Variants in FRMD5 observed in about 807,000 individuals in gnomAD.
FRMD5 encodes the protein FERM domain-containing protein 5.
A neutral mutation model predicts 69.0 loss-of-function variants in FRMD5; 20 were observed. The observed-to-expected ratio is 0.29, with a 90% CI of 0.20 to 0.42. FRMD5 has a LOEUF of 0.42. Among genes scored for constraint, FRMD5 ranks in the 10% least tolerant of loss-of-function variants. FRMD5 has a pLI of 1.00. For missense variants in FRMD5, 595 were observed against 708.6 expected (o/e 0.84, Z 1.82); for synonymous variants, 271 against 260.1 (o/e 1.04, Z -0.40).
At chr15:44,177,414 C>A (rs569664438) in intron 1 of FRMD5, among the ~76,000 whole-genome samples, 1 of 152,090 alleles carries the variant, frequency 6.6e-6, no homozygotes, top group Non-Finnish European at 1.5e-5. Context: ...CATGTTACTA[C>A]ATGAATGAAC....
chr15:43,875,744 G>A (rs1418375677), intron 13 of FRMD5: 11 of 554,698 alleles, frequency 2.0e-5, no homozygotes, highest in East Asian at 3.0e-5. Context: ...GTGAGCCACC[G>A]CACCCAGCCC....
chr15:43,962,524 A>G (rs1008877956), intron 1 of FRMD5, among the ~76,000 whole-genome samples: 2 of 152,224 alleles, frequency 1.3e-5, no homozygotes, highest in African/African-American at 4.8e-5. Flanking sequence ...CAAGCTACCA[A>G]TGACTTTCTT....
At chr15:44,076,809 A>G (rs2140431496) in intron 1 of FRMD5, among the ~76,000 whole-genome samples, 1 of 152,172 alleles carries the variant, frequency 6.6e-6, no homozygotes, top group African/African-American at 2.4e-5. Context: ...AGCTCTATGA[A>G]CAAGTATAGA....
intron 1 of FRMD5, among the ~76,000 whole-genome samples, chr15:44,015,849 G>GT (rs1890934108): frequency 6.6e-6 from 1 of 152,140 alleles, no homozygotes; most frequent in Non-Finnish European, 1.5e-5. Context: ...AGTAGCTGTC[G>GT]TTTTTTCCTT....
chr15:44,184,250 T>G (rs1272191102), intron 1 of FRMD5, among the ~76,000 whole-genome samples: 1 of 152,174 alleles, frequency 6.6e-6, no homozygotes, highest in East Asian at 1.9e-4. Flanking sequence ...CCTGAAGACA[T>G]AGTAGACACA....
chr15:44,188,246 C>A (rs886507732), intron 1 of FRMD5, among the ~76,000 whole-genome samples: 7 of 152,164 alleles, frequency 4.6e-5, no homozygotes, highest in African/African-American at 1.7e-4. Flanking sequence ...ACTGCAGAAT[C>A]TTTAGACTCC....
chr15:43,885,152 A>G, intron 11 of FRMD5: 1 of 222,266 alleles, frequency 4.5e-6, no homozygotes, highest in Non-Finnish European at 9.0e-6. Flanking sequence ...TGCTATTGTA[A>G]GGGAAAGAGA....
chr15:44,053,725 C>T (rs1330569547), intron 1 of FRMD5, among the ~76,000 whole-genome samples: 3 of 152,062 alleles, frequency 2.0e-5, no homozygotes, highest in East Asian at 1.9e-4. Context: ...GGGAAGTCCA[C>T]GAGCGCAGTT....
chr15:44,150,054 G>A (rs911423658), intron 1 of FRMD5, among the ~76,000 whole-genome samples: 3 of 151,638 alleles, frequency 2.0e-5, no homozygotes, highest in Non-Finnish European at 2.9e-5. Flanking sequence ...AATGGAGGAA[G>A]GAAAAAAATA....
intron 1 of FRMD5, among the ~76,000 whole-genome samples, chr15:44,117,341 C>T (rs1808509): frequency 0.83 from 125,960 of 152,086 alleles, 54,815 homozygotes; most frequent in Non-Finnish European, 0.95. Context: ...TTTCTGAACT[C>T]ACCTTTGTAG....
chr15:44,032,852 T>C (rs1301245927), intron 1 of FRMD5, among the ~76,000 whole-genome samples: 1 of 152,174 alleles, frequency 6.6e-6, no homozygotes, highest in African/African-American at 2.4e-5. Context: ...GCAATCCCAT[T>C]ACTGGGTATA....
In FRMD5 at chr15:44,037,690, G is replaced by A. The variant is rs141499313; in HGVS notation, c.103-113381C>T. On this transcript the variant is annotated intron_variant, in intron 1 of 13. Transcript: ENST00000417257. ...GGTTTCACCATGTTGACCAGGAAAT[G>A]GTCTTGATCTCTTGACCTCATGATC... 2.9e-3 allele frequency among the ~76,000 whole-genome samples: 440 copies of A among 151,454 alleles called. 1 individual carries two copies. Among genetic ancestry groups the A allele is most frequent in the African/African-American group, 0.01 (418 of 41,214 alleles).
rs139217310 is a variant in FRMD5, at chr15:43,994,333, C to T, written c.103-70024G>A. Among the ~76,000 whole-genome samples, 21 of 152,184 alleles carry T rather than the reference C, an allele frequency of 1.4e-4. No homozygotes were observed. In the East Asian group the frequency reaches 1.7e-3, roughly 13 times the overall value. On this transcript the variant is annotated intron_variant, in intron 1 of 13. Transcript: ENST00000417257. Reference sequence around the variant, plus strand: ...TTTAAACTGGTAACAACTTTGAATGCGTAAAAAAACTCAATACTTTTACTC... The same window carrying T: ...TTTAAACTGGTAACAACTTTGAATGTGTAAAAAAACTCAATACTTTTACTC...
chr15:44,008,096 T>TA (rs1371513516), intron 1 of FRMD5, among the ~76,000 whole-genome samples: 5 of 135,642 alleles, frequency 3.7e-5, no homozygotes, highest in African/African-American at 1.4e-4. Context: ...GCAATTTTTT[T>TA]TTTTTTTTTT....
At chr15:44,028,472 A>G (rs1891536239) in intron 1 of FRMD5, among the ~76,000 whole-genome samples, 1 of 152,258 alleles carries the variant, frequency 6.6e-6, no homozygotes, top group Non-Finnish European at 1.5e-5. Context: ...TCTAGAGAAG[A>G]TCAACTCTCA....
At chr15:44,103,775 C>T (rs1024943693) in intron 1 of FRMD5, among the ~76,000 whole-genome samples, 1 of 152,218 alleles carries the variant, frequency 6.6e-6, no homozygotes, top group African/African-American at 2.4e-5. Flanking sequence ...AGTTATGCAG[C>T]TCATACAACA....
At chr15:44,170,214 C>G (rs1188436968) in intron 1 of FRMD5, among the ~76,000 whole-genome samples, 4 of 152,198 alleles carry the variant, frequency 2.6e-5, no homozygotes, top group African/African-American at 9.6e-5. Context: ...TCAAGCCCAG[C>G]TGGTTGCTTA....
chr15:43,902,270 AAAG>A lies in FRMD5; in HGVS notation c.552-11_552-9del, dbSNP rs751513440. 79 of 1,608,972 alleles carry A rather than the reference AAAG, an allele frequency of 4.9e-5. No homozygotes were observed. The Admixed American group carries it at 5.3e-4, about 11-fold the overall frequency. On this transcript the variant is annotated splice_polypyrimidine_tract_variant and intron_variant, in intron 6 of 13. Coordinates refer to ENST00000417257, the MANE Select transcript of FRMD5 (RefSeq NM_032892.5). ...GTTGCTGGTGTTTGACCACTGGAATAAAGAAGATGAGATGATTTCAAGGTGTCT... is the reference window on the plus strand; with the variant it reads ...GTTGCTGGTGTTTGACCACTGGAATAAAGATGAGATGATTTCAAGGTGTCT...
rs75981982 is a variant in FRMD5 at position 44,016,365 on chromosome 15, T to C, written c.103-92056A>G. Among the ~76,000 whole-genome samples, 297 of 152,318 alleles carry C rather than the reference T, an allele frequency of 1.9e-3. 1 individual carries two copies. Among genetic ancestry groups the C allele is most frequent in the Admixed American group, 4.2e-3 (64 of 15,296 alleles). ...ATATACGAATAATGTATTTCTTCAT[T>C]ATACCCTGAAACAGGCCATAGGGAT... On this transcript the variant is annotated intron_variant, in intron 1 of 13. Transcript: ENST00000417257.
Sources: gnomAD v4.1 joint callset for allele counts (sites outside exome capture counted in the v4.1 genomes callset) on GRCh38, gnomAD v4.1.1 for gene constraint, MANE v1.5 for transcripts, NCBI Gene and HGNC (gene_info 2026-07-23, HGNC 2026-07-21) for gene names.